ITPK1: variants seen among roughly 807,000 people sequenced by gnomAD.
The protein encoded by ITPK1 is inositol-tetrakisphosphate 1-kinase.
In ITPK1, 21 loss-of-function variants were observed where a neutral mutation model predicts 45.3. The observed-to-expected ratio is 0.46, with a 90% CI of 0.33 to 0.67. ITPK1 has a LOEUF of 0.67. Among genes scored for constraint, ITPK1 ranks in the 30% least tolerant of loss-of-function variants. The probability of loss-of-function intolerance (pLI) is 0.02; values close to 1 mark genes in which losing one functional copy is unlikely to be tolerated. For missense variants in ITPK1, 474 were observed against 573.5 expected (o/e 0.83, Z 1.77); for synonymous variants, 258 against 253.6 (o/e 1.02, Z -0.16).
chr14:92,988,607 G>A (rs554210593), intron 5 of ITPK1, among the ~76,000 whole-genome samples: 66 of 152,224 alleles, frequency 4.3e-4, no homozygotes, highest in African/African-American at 1.5e-3. Context: ...TCTTTGCCTC[G>A]GTCCCTCTCC....
At position 93,038,327 on chromosome 14, in the gene ITPK1, G is replaced by A. The variant is rs537594142; in HGVS notation, c.121-21526C>T. On this transcript the variant is annotated intron_variant, in intron 3 of 10. Transcript: ENST00000267615. ...TGGGATTATAGGTGTGAGCCACCAC[G>A]TCCAGCCAACATTGCATATTCTTCT... Among the ~76,000 whole-genome samples, 19 of 151,610 alleles carry A rather than the reference G, an allele frequency of 1.3e-4. No homozygotes were observed. The East Asian group carries it at 1.8e-3, about 14-fold the overall frequency.
rs1888169860 is a variant in ITPK1, at chr14:93,016,223, T to A, written c.246+453A>T. Reference sequence around the variant, plus strand: ...ACCTCAGGCCATGCTCAAAGGTGAGTACCCAGGTCAAAGTAATGGGCAGAG... The same window carrying A: ...ACCTCAGGCCATGCTCAAAGGTGAGAACCCAGGTCAAAGTAATGGGCAGAG... On this transcript the variant is annotated intron_variant, in intron 4 of 10. Transcript: ENST00000267615. This position sits in a 1 kb window ranked among gnomAD's most constrained non-coding sequence, Gnocchi z 5.0. 1.3e-5 allele frequency among the ~76,000 whole-genome samples: 2 copies of A among 151,824 alleles called. No homozygotes were observed. The highest frequency in any genetic ancestry group is 2.4e-5 in the African/African-American group (1 of 41,302).
At chr14:93,114,624 C>A (rs979283003) in intron 2 of ITPK1, among the ~76,000 whole-genome samples, 1 of 152,164 alleles carries the variant, frequency 6.6e-6, no homozygotes, top group African/African-American at 2.4e-5. Context: ...CGAGCACACG[C>A]GGGGCACATA....
At chr14:93,025,751 A>C (rs1018055881) in intron 3 of ITPK1, among the ~76,000 whole-genome samples, 1 of 152,048 alleles carries the variant, frequency 6.6e-6, no homozygotes, top group African/African-American at 2.4e-5. Context: ...GCTTAATACC[A>C]ATAAGATCTA....
rs373788772 is a variant in ITPK1, at chr14:93,103,769, C to G, written c.95+11300G>C. On this transcript the variant is annotated intron_variant, in intron 2 of 10. Transcript: ENST00000267615. The stretch of plus-strand genomic sequence containing the variant: ...AGGACAAGTACCCCAGGGTGGAGAC[C>G]GGATGTTTCCTCACCTCCGCAGCCC... Among the ~76,000 whole-genome samples the G allele has an allele frequency of 9.2e-5, 14 of 152,234 alleles. No individual in the cohort carries two copies. In the East Asian group the frequency reaches 2.3e-3, roughly 25 times the overall value.
At chr14:93,068,575 A>C (rs1031576569) in intron 3 of ITPK1, 4 of 152,242 alleles carry the variant, frequency 2.6e-5, no homozygotes, top group African/African-American at 9.7e-5. Flanking sequence ...GACAGAAGGA[A>C]GGATGTTCAC....
At position 93,063,953 on chromosome 14, in the gene ITPK1, T is replaced by A. The variant is rs1333005833; in HGVS notation, c.120+12642A>T. On this transcript the variant is annotated intron_variant, in intron 3 of 10. Transcript: ENST00000267615. This position sits in a 1 kb window ranked among gnomAD's most constrained non-coding sequence, Gnocchi z 4.3. ...AGAACTCTGAAGCAATCCTACTAGGTGCTTACTGCCCAGACAACAGGGCTG... is the reference window on the plus strand; with the variant it reads ...AGAACTCTGAAGCAATCCTACTAGGAGCTTACTGCCCAGACAACAGGGCTG... Among the ~76,000 whole-genome samples the A allele has an allele frequency of 6.6e-6, 1 of 151,924 alleles. No homozygotes were observed. The highest frequency in any genetic ancestry group is 2.4e-5 in the African/African-American group (1 of 41,330).
chr14:93,087,626 T>G (rs1036169006), intron 2 of ITPK1, among the ~76,000 whole-genome samples: 2 of 152,228 alleles, frequency 1.3e-5, no homozygotes, highest in Non-Finnish European at 2.9e-5. Flanking sequence ...ACCTGCTGTC[T>G]TTGGTGGGGA....
intron 3 of ITPK1, among the ~76,000 whole-genome samples, chr14:93,033,362 C>G (rs1325440242): frequency 6.6e-6 from 1 of 152,202 alleles, no homozygotes; most frequent in Non-Finnish European, 1.5e-5. Context: ...AAAGCTGGAT[C>G]TGCTGCAATA....
chr14:93,079,455 G>A (rs905077272), intron 2 of ITPK1, among the ~76,000 whole-genome samples: 1 of 152,198 alleles, frequency 6.6e-6, no homozygotes, highest in African/African-American at 2.4e-5. Flanking sequence ...TGCAGGAGCT[G>A]GCCCGGAACA....
intron 5 of ITPK1, among the ~76,000 whole-genome samples, chr14:92,980,468 A>G (rs1886167143): frequency 6.6e-6 from 1 of 152,088 alleles, no homozygotes; most frequent in South Asian, 2.1e-4. Context: ...GGCTCTCACC[A>G]AGAGGGACCA....
At chr14:93,020,385 T>C (rs1233229022) in intron 3 of ITPK1, among the ~76,000 whole-genome samples, 1 of 152,232 alleles carries the variant, frequency 6.6e-6, no homozygotes, top group Non-Finnish European at 1.5e-5. Flanking sequence ...CCACTGCTTC[T>C]GAACAAGAGC....
At chr14:93,093,938 G>GCAACCCGGCCT (rs1324268793) in intron 2 of ITPK1, among the ~76,000 whole-genome samples, 2 of 152,220 alleles carry the variant, frequency 1.3e-5, no homozygotes, top group African/African-American at 4.8e-5. Context: ...AGGATCCTGT[G>GCAACCCGGCCT]CAACCCGGCC....
At chr14:93,033,827 G>A (rs368740063) in intron 3 of ITPK1, among the ~76,000 whole-genome samples, 6 of 152,274 alleles carry the variant, frequency 3.9e-5, no homozygotes, top group African/African-American at 1.4e-4. Context: ...GGGCACAGGA[G>A]GGCTCTCGGG....
chr14:92,986,569 A>G (rs922057203), intron 5 of ITPK1, among the ~76,000 whole-genome samples: 1 of 152,214 alleles, frequency 6.6e-6, no homozygotes. Flanking sequence ...GAGAGGGGAC[A>G]GAGGTTTTCA....
intron 3 of ITPK1, among the ~76,000 whole-genome samples, chr14:93,028,079 G>A (rs777086042): frequency 1.2e-4 from 18 of 152,180 alleles, no homozygotes; most frequent in African/African-American, 3.4e-4. Flanking sequence ...ACAGCCACAC[G>A]CCCAACATGC....
chr14:93,069,196 A>G lies in ITPK1; in HGVS notation c.120+7399T>C, dbSNP rs947406877. On this transcript the variant is annotated intron_variant, in intron 3 of 10. Transcript: ENST00000267615. ...AACCCTGCTGTCTGCTTTCCAGTGC[A>G]GCCCTGTCTAATCACCCTCCATGTA... 3 of 153,944 alleles carry G rather than the reference A, an allele frequency of 1.9e-5. No individual in the cohort carries two copies. In the Admixed American group the frequency reaches 2.0e-4, roughly 10 times the overall value. The allele number at this position is 153,944 out of a possible 1,614,324, so 9.5% of individuals were successfully genotyped here. A position where few individuals can be genotyped will look rare whatever the true frequency, so the allele number is the denominator to read the frequency against.
At chr14:92,964,606 C>G (rs1468324596) in intron 5 of ITPK1, among the ~76,000 whole-genome samples, 1 of 152,258 alleles carries the variant, frequency 6.6e-6, no homozygotes, top group Non-Finnish European at 1.5e-5. Flanking sequence ...TGAATTTAAA[C>G]TGGAGGGTTC....
intron 3 of ITPK1, among the ~76,000 whole-genome samples, chr14:93,053,541 C>G (rs1890105057): frequency 6.6e-6 from 1 of 152,188 alleles, no homozygotes; most frequent in South Asian, 2.1e-4. Context: ...TGAAGCTGCT[C>G]TGTATGGTAT....
Sources: gnomAD v4.1 joint callset for allele counts (sites outside exome capture counted in the v4.1 genomes callset) on GRCh38, gnomAD v4.1.1 for gene constraint, Gnocchi (gnomAD v3.1) non-coding constraint, MANE v1.5 for transcripts, NCBI Gene and HGNC (gene_info 2026-07-23, HGNC 2026-07-21) for gene names.